The following BLTP3B variants were observed in gnomAD, a reference collection of about 807,000 sequenced individuals.
BLTP3B encodes UHRF1 (ICBP90) binding protein 1-like.
At chr12:100,084,975 A>C in the BLTP3B span, among the ~76,000 whole-genome samples, 77 of 152,280 alleles carry the variant, frequency 5.1e-4, no homozygotes, top group African/African-American at 1.4e-3. Context: ...AACCTGCATT[A>C]AACTGAATCC....
chr12:100,140,729 A>AAAAAATATATATATATATATATATAT, the BLTP3B span, among the ~76,000 whole-genome samples: 1 of 61,506 alleles, frequency 1.6e-5, no homozygotes, highest in Non-Finnish European at 2.6e-5. Flanking sequence ...AAAAAAAAAA[A>AAAAAATATATATATATATATATATAT]ATATATATAT....
chr12:100,054,081 C>A, the BLTP3B span, among the ~76,000 whole-genome samples: 1 of 152,136 alleles, frequency 6.6e-6, no homozygotes, highest in East Asian at 1.9e-4. Flanking sequence ...ATCAAAAATG[C>A]AGACAAAAAT....
the BLTP3B span, among the ~76,000 whole-genome samples, chr12:100,140,729 A>T: frequency 0.025 from 1,515 of 60,534 alleles, 13 homozygotes; most frequent in Middle Eastern, 0.043. Flanking sequence ...AAAAAAAAAA[A>T]ATATATATAT....
the BLTP3B span, among the ~76,000 whole-genome samples, chr12:100,078,547 T>G: frequency 1.3e-5 from 2 of 152,030 alleles, no homozygotes; most frequent in Admixed American, 1.3e-4. Flanking sequence ...CCTAGTTGCG[T>G]TAAGAGGGTG....
At chr12:100,121,761 G>A in the BLTP3B span, among the ~76,000 whole-genome samples, 45 of 152,220 alleles carry the variant, frequency 3.0e-4, no homozygotes, top group African/African-American at 9.6e-4. Flanking sequence ...CCCAGAAGGC[G>A]GAGGCTGCGG....
At chr12:100,072,549 C>G in the BLTP3B span, 1 of 904,630 alleles carries the variant, frequency 1.1e-6, no homozygotes, top group Non-Finnish European at 1.5e-6. Flanking sequence ...TCTCAAAAAA[C>G]TAATAATAAA....
chr12:100,057,564 A>G, the BLTP3B span: 1 of 1,602,464 alleles, frequency 6.2e-7, no homozygotes, highest in Non-Finnish European at 8.5e-7. Flanking sequence ...CCGTATCATA[A>G]CTTTACCTTT....
the BLTP3B span, among the ~76,000 whole-genome samples, chr12:100,037,932 T>C: frequency 6.6e-6 from 1 of 152,166 alleles, no homozygotes; most frequent in African/African-American, 2.4e-5. Flanking sequence ...ATCAAGCACT[T>C]AAAAAATGTT....
At chr12:100,088,665 T>C in the BLTP3B span, among the ~76,000 whole-genome samples, 9 of 152,232 alleles carry the variant, frequency 5.9e-5, no homozygotes, top group Admixed American at 2.0e-4. Flanking sequence ...TTCAGTCTGA[T>C]TTTTTTAAAG....
chr12:100,063,398 C>T, the BLTP3B span, among the ~76,000 whole-genome samples: 1 of 152,126 alleles, frequency 6.6e-6, no homozygotes, highest in Non-Finnish European at 1.5e-5. Flanking sequence ...TCAGAATCCA[C>T]ACCCACAGGA....
At chr12:100,141,340 C>CAT in the BLTP3B span, among the ~76,000 whole-genome samples, 571 of 151,790 alleles carry the variant, frequency 3.8e-3, 4 homozygotes, top group African/African-American at 0.013. Context: ...CATATATACA[C>CAT]ATATATATGT....
chr12:100,076,871 C>A, the BLTP3B span, among the ~76,000 whole-genome samples: 4 of 152,068 alleles, frequency 2.6e-5, no homozygotes, highest in Non-Finnish European at 4.4e-5. Flanking sequence ...TAGTTAAAAA[C>A]CTATTCGAAT....
At chr12:100,051,114 T>TTGTAC in the BLTP3B span, 1 of 1,614,050 alleles carries the variant, frequency 6.2e-7, no homozygotes, top group Non-Finnish European at 8.5e-7. Flanking sequence ...CCCTCTGAAT[T>TTGTAC]TGTACTGATG....
chr12:100,142,848 T>G, the BLTP3B span: 1 of 614,802 alleles, frequency 1.6e-6, no homozygotes. Context: ...GGGCGCCATC[T>G]TGGCTGCAGC....
chr12:100,087,434 TAA>T, the BLTP3B span, among the ~76,000 whole-genome samples: 1 of 152,216 alleles, frequency 6.6e-6, no homozygotes, highest in Non-Finnish European at 1.5e-5. Flanking sequence ...ATCCCTTACG[TAA>T]AACCTTTGGA....
the BLTP3B span, chr12:100,047,516 T>A: frequency 6.4e-7 from 1 of 1,569,864 alleles, no homozygotes; most frequent in Non-Finnish European, 8.8e-7. Flanking sequence ...AAACAAATAG[T>A]TTTTCATATA....
the BLTP3B span, chr12:100,058,558 A>G: frequency 6.2e-7 from 1 of 1,612,070 alleles, no homozygotes; most frequent in Non-Finnish European, 8.5e-7. Flanking sequence ...CTTTTTGAAG[A>G]CAAAAAATCC....
At chr12:100,106,755 TAAAA>T in the BLTP3B span, among the ~76,000 whole-genome samples, 1 of 151,772 alleles carries the variant, frequency 6.6e-6, no homozygotes, top group African/African-American at 2.4e-5. Flanking sequence ...GCTATTGAAA[TAAAA>T]AAAAATTTAC....
At chr12:100,105,264 C>T in the BLTP3B span, among the ~76,000 whole-genome samples, 1 of 151,796 alleles carries the variant, frequency 6.6e-6, no homozygotes, top group East Asian at 2.0e-4. Context: ...ACCAAAACAG[C>T]ATGGAACAGG....
Sources: allele counts gnomAD v4.1 joint callset (sites outside exome capture counted in the v4.1 genomes callset), GRCh38; gene constraint gnomAD v4.1.1; transcripts MANE v1.5; gene names NCBI Gene and HGNC (gene_info 2026-07-23, HGNC 2026-07-21).